Variants in JPH3 observed in about 807,000 individuals in gnomAD.
The protein encoded by JPH3 is junctophilin 3, also known as junctophilin-3.
Under a neutral mutation model 59.6 loss-of-function variants are expected in JPH3, and 11 were observed. The ratio of observed to expected loss-of-function variants is 0.18; its 90% confidence interval spans 0.12 to 0.31. The LOEUF (loss-of-function observed/expected upper bound fraction) is 0.31. JPH3 is among the 10% of genes least tolerant of loss of function. JPH3 has a pLI of 1.00. For synonymous variants in JPH3, 673 were observed against 483.6 expected, an observed-to-expected ratio of 1.39 and a Z score of -5.14; for missense variants, 1,202 against 1,105.7, an observed-to-expected ratio of 1.09 and a Z score of -1.24.
At chr16:87,617,349 G>A (rs559640653) in intron 1 of JPH3, among the ~76,000 whole-genome samples, 3 of 152,188 alleles carry the variant, frequency 2.0e-5, no homozygotes, top group Non-Finnish European at 4.4e-5. Context: ...GGCATCTGGG[G>A]TGTCTCCAGC....
rs150073725 is a variant in JPH3 at position 87,664,941 on chromosome 16, G to C, written c.1161-19201G>C. On this transcript the variant is annotated intron_variant, in intron 2 of 4. Coordinates refer to ENST00000284262, the MANE Select transcript of JPH3 (RefSeq NM_020655.4). ...AACCTGGCCCCTGCCCAGCGCATTT[G>C]CCTGTCCCCTGAAACCGCCACCACA... 2.3e-3 allele frequency among the ~76,000 whole-genome samples: 347 copies of C among 152,314 alleles called. 2 individuals are homozygous for C. The highest frequency in any genetic ancestry group is 7.6e-3 in the African/African-American group (315 of 41,566).
At chr16:87,665,338 C>T (rs1397346180) in intron 2 of JPH3, among the ~76,000 whole-genome samples, 1 of 152,108 alleles carries the variant, frequency 6.6e-6, no homozygotes. Context: ...TGTGCAGGGT[C>T]TTGGGGTAGG....
intron 2 of JPH3, among the ~76,000 whole-genome samples, chr16:87,675,304 T>C (rs999886072): frequency 2.6e-5 from 4 of 151,674 alleles, no homozygotes; most frequent in African/African-American, 9.7e-5. Flanking sequence ...CCACGCCTGC[T>C]TCCTTTGGGC....
At position 87,690,127 on chromosome 16, in the gene JPH3, G is replaced by A. The variant is rs538000829; in HGVS notation, c.1767G>A (p.Arg589=). The part of the protein sequence containing the change: ...PPVFTWTSHH[R]ASNHSPGGSR... ...TGTTCACGTGGACTTCCCACCACCG[G>A]GCCAGCAACCACAGCCCCGGAGGCT... is the stretch of plus-strand genomic sequence containing the variant. The change falls in exon 4 of 5, where the codon CGG becomes CGA. Residue 589 remains arginine (R), a synonymous_variant. Transcript: ENST00000284262. The A allele has an allele frequency of 2.0e-4, 320 of 1,589,722 alleles. No homozygotes were observed. Among genetic ancestry groups the A allele is most frequent in the Admixed American group, 6.4e-4 (37 of 57,938 alleles).
At chr16:87,656,197 G>T (rs994158562) in intron 2 of JPH3, among the ~76,000 whole-genome samples, 6 of 152,348 alleles carry the variant, frequency 3.9e-5, no homozygotes, top group Non-Finnish European at 5.9e-5. Flanking sequence ...TGCAGGTGCC[G>T]TGACACCTAT....
chr16:87,667,990 C>T (rs1378922644), intron 2 of JPH3, among the ~76,000 whole-genome samples: 1 of 152,238 alleles, frequency 6.6e-6, no homozygotes, highest in Non-Finnish European at 1.5e-5. Flanking sequence ...CACACCGGCT[C>T]TGAACAGGCT....
At chr16:87,648,529 G>A (rs1055977764) in intron 2 of JPH3, among the ~76,000 whole-genome samples, 6 of 152,216 alleles carry the variant, frequency 3.9e-5, no homozygotes, top group Admixed American at 1.3e-4. Flanking sequence ...TGTCCTCCGC[G>A]GAGTGCCGGG....
chr16:87,630,724 A>G (rs1353321124), intron 1 of JPH3, among the ~76,000 whole-genome samples: 1 of 152,204 alleles, frequency 6.6e-6, no homozygotes, highest in Non-Finnish European at 1.5e-5. Context: ...GTGTCTTCAG[A>G]GACTGACCAC....
chr16:87,656,568 G>T (rs925374095), intron 2 of JPH3, among the ~76,000 whole-genome samples: 10 of 152,182 alleles, frequency 6.6e-5, no homozygotes, highest in African/African-American at 2.4e-4. Flanking sequence ...CAGTGTTTGG[G>T]GGCAACACCC....
At chr16:87,605,670 C>T (rs1252170630) in intron 1 of JPH3, among the ~76,000 whole-genome samples, 3 of 152,216 alleles carry the variant, frequency 2.0e-5, no homozygotes, top group Non-Finnish European at 4.4e-5. Context: ...CTCCCCTAAG[C>T]CCTTCCCCTC....
rs1351733892 is a variant in JPH3, at chr16:87,604,645, C to T, written c.382+1117C>T. On this transcript the variant is annotated intron_variant, in intron 1 of 4. Coordinates refer to ENST00000284262, the MANE Select transcript of JPH3 (RefSeq NM_020655.4). ...CTGAGCGTACGTGTGCTCTAGTCCT[C>T]CCCGCCCGCTCGCTGCCTCCGAGTC... is the stretch of plus-strand genomic sequence containing the variant. The T allele has an allele frequency of 6.0e-6, 7 of 1,170,596 alleles. No individual in the cohort carries two copies. The African/African-American group carries it at 1.1e-4, about 19-fold the overall frequency. The allele number at this position is 1,170,596 out of a possible 1,614,324, so 72.5% of individuals were successfully genotyped here. A position where few individuals can be genotyped will look rare whatever the true frequency, so the allele number is the denominator to read the frequency against.
intron 4 of JPH3, among the ~76,000 whole-genome samples, chr16:87,691,167 G>C (rs960808612): frequency 1.6e-4 from 24 of 152,194 alleles, no homozygotes; most frequent in Non-Finnish European, 2.8e-4. Flanking sequence ...TCGGCGCGAG[G>C]CTGGGGGTCC....
chr16:87,677,149 A>C (rs894678851), intron 2 of JPH3, among the ~76,000 whole-genome samples: 1 of 146,866 alleles, frequency 6.8e-6, no homozygotes, highest in Non-Finnish European at 1.5e-5. Context: ...ACAGAGTGGG[A>C]CTCCATTATA....
chr16:87,663,503 A>G (rs971431498), intron 2 of JPH3, among the ~76,000 whole-genome samples: 3 of 152,234 alleles, frequency 2.0e-5, no homozygotes, highest in African/African-American at 2.4e-5. Context: ...ATATCAGGGA[A>G]CAGTTTCAAG....
chr16:87,657,404 A>G (rs1431704591), intron 2 of JPH3, among the ~76,000 whole-genome samples: 1 of 152,082 alleles, frequency 6.6e-6, no homozygotes, highest in Admixed American at 6.5e-5. Context: ...GGTGGGAACA[A>G]CGGGGAGTGG....
At position 87,603,198 on chromosome 16, in the gene JPH3, G is replaced by C; in HGVS notation, c.52G>C (p.Gly18Arg). 3 of 1,613,998 alleles carry C rather than the reference G, an allele frequency of 1.9e-6. No individual in the cohort carries two copies. The highest frequency in any genetic ancestry group is 2.5e-6 in the Non-Finnish European group (3 of 1,179,938). ...NFDDGGSYCG[G>R]WEDGKAHGHG... ...TGACGACGGAGGGTCCTACTGTGGAGGCTGGGAGGACGGCAAGGCGCACGG... is the reference window on the plus strand; with the variant it reads ...TGACGACGGAGGGTCCTACTGTGGACGCTGGGAGGACGGCAAGGCGCACGG... The change falls in exon 1 of 5, where the codon GGC (glycine) becomes CGC (arginine). Residue 18 changes from glycine (G) to arginine (R), a missense_variant. By Grantham distance (125) the Gly-to-Arg change is moderately radical. Coordinates refer to ENST00000284262, the MANE Select transcript of JPH3 (RefSeq NM_020655.4).
At chr16:87,668,011 A>C (rs564255174) in intron 2 of JPH3, among the ~76,000 whole-genome samples, 1 of 152,272 alleles carries the variant, frequency 6.6e-6, no homozygotes, top group African/African-American at 2.4e-5. Flanking sequence ...CTGTGGCTTC[A>C]GAAACTTATC....
intron 1 of JPH3, among the ~76,000 whole-genome samples, chr16:87,632,060 G>C (rs965076474): frequency 6.6e-6 from 1 of 152,030 alleles, no homozygotes; most frequent in Non-Finnish European, 1.5e-5. Context: ...GAGGACCGTT[G>C]ACTGTTCATA....
intron 2 of JPH3, among the ~76,000 whole-genome samples, chr16:87,677,223 C>CA (rs1475157864): frequency 9.0e-6 from 1 of 111,404 alleles, no homozygotes; most frequent in Admixed American, 9.1e-5. Flanking sequence ...CACACACACA[C>CA]ACAAAAAAAA....
Sources: allele counts gnomAD v4.1 joint callset (sites outside exome capture counted in the v4.1 genomes callset), GRCh38; gene constraint gnomAD v4.1.1; transcripts MANE v1.5; gene names NCBI Gene and HGNC (gene_info 2026-07-23, HGNC 2026-07-21).